Variants in NALF1 observed in about 807,000 individuals in gnomAD.
NALF1 encodes family with sequence similarity 155 member A.
NALF1 carries 3 observed loss-of-function variants against 48.4 expected under a neutral mutation model. The observed-to-expected ratio is 0.06, with a 90% confidence interval of 0.03 to 0.16. The LOEUF (loss-of-function observed/expected upper bound fraction) is 0.16. Ranked by LOEUF, NALF1 falls within the 10% of genes least tolerant of loss-of-function variation. The probability of loss-of-function intolerance (pLI) is 1.00; values close to 1 mark genes in which losing one functional copy is unlikely to be tolerated. For synonymous variants in NALF1, 262 were observed against 245.7 expected, an observed-to-expected ratio of 1.07 and a Z score of -0.62; for missense variants, 526 against 571.5, an observed-to-expected ratio of 0.92 and a Z score of 0.81.
chr13:107,518,770 T>G (rs539237772), intron 1 of NALF1, among the ~76,000 whole-genome samples: 36 of 152,224 alleles, frequency 2.4e-4, no homozygotes, highest in African/African-American at 8.2e-4. Context: ...TCAGGAAGCA[T>G]GCTGATTTTC....
intron 1 of NALF1, among the ~76,000 whole-genome samples, chr13:107,530,685 A>G (rs1036774812): frequency 8.5e-5 from 13 of 152,112 alleles, no homozygotes; most frequent in Admixed American, 7.2e-4. Context: ...CAAAAATAAT[A>G]TTGCAAATCA....
chr13:107,371,859 T>C (rs530906129), intron 1 of NALF1, among the ~76,000 whole-genome samples: 67 of 152,368 alleles, frequency 4.4e-4, no homozygotes, highest in African/African-American at 1.6e-3. Context: ...TAACATTTTA[T>C]TACAGTTTTA....
intron 1 of NALF1, among the ~76,000 whole-genome samples, chr13:107,786,787 C>G (rs1177617885): frequency 6.6e-6 from 1 of 152,168 alleles, no homozygotes; most frequent in African/African-American, 2.4e-5. Flanking sequence ...TGACCTCAGG[C>G]TCTTCTCTCC....
At chr13:107,816,547 C>G (rs1879169021) in intron 1 of NALF1, among the ~76,000 whole-genome samples, 1 of 152,106 alleles carries the variant, frequency 6.6e-6, no homozygotes, top group South Asian at 2.1e-4. Context: ...AATTATCTCC[C>G]ACTGGGTCTC....
intron 1 of NALF1, among the ~76,000 whole-genome samples, chr13:107,543,699 A>G (rs1274977779): frequency 6.6e-6 from 1 of 152,028 alleles, no homozygotes; most frequent in Non-Finnish European, 1.5e-5. Context: ...ATATACACGT[A>G]TATATATACA....
chr13:107,175,540 T>A (rs749318269), intron 2 of NALF1, among the ~76,000 whole-genome samples: 1 of 152,222 alleles, frequency 6.6e-6, no homozygotes, highest in Non-Finnish European at 1.5e-5. Flanking sequence ...TAAAACAATG[T>A]CTTTTTGGTT....
chr13:107,581,326 A>T (rs1187449882), intron 1 of NALF1, among the ~76,000 whole-genome samples: 2 of 152,174 alleles, frequency 1.3e-5, no homozygotes, highest in Admixed American at 1.3e-4. Flanking sequence ...GAATCAACAA[A>T]GGAAAGCTCT....
intron 1 of NALF1, among the ~76,000 whole-genome samples, chr13:107,837,461 T>C (rs1879928005): frequency 6.6e-6 from 1 of 152,184 alleles, no homozygotes; most frequent in Non-Finnish European, 1.5e-5. Flanking sequence ...TTTTCATTCA[T>C]ACCACCTCCC....
chr13:107,813,506 T>C (rs143095273), intron 1 of NALF1, among the ~76,000 whole-genome samples: 9 of 152,274 alleles, frequency 5.9e-5, no homozygotes, highest in African/African-American at 2.2e-4. Flanking sequence ...CATTTTCTCA[T>C]AAGGTTGGCT....
intron 1 of NALF1, among the ~76,000 whole-genome samples, chr13:107,538,077 A>G (rs1326018997): frequency 6.6e-6 from 1 of 152,118 alleles, no homozygotes; most frequent in Non-Finnish European, 1.5e-5. Context: ...GAGCAACAGT[A>G]ATCTTAATTA....
intron 1 of NALF1, among the ~76,000 whole-genome samples, chr13:107,294,000 G>A (rs954105773): frequency 6.6e-5 from 10 of 152,332 alleles, no homozygotes; most frequent in Admixed American, 5.9e-4. Context: ...GACCATGTTA[G>A]CTACGTCTCT....
chr13:107,525,609 C>A (rs143705328), intron 1 of NALF1, among the ~76,000 whole-genome samples: 1,869 of 152,126 alleles, frequency 0.012, 21 homozygotes, highest in Middle Eastern at 0.037. Context: ...ATATATTTTT[C>A]TGTCTGTCTG....
chr13:107,299,476 A>AATAATAAATT (rs1193044497), intron 1 of NALF1, among the ~76,000 whole-genome samples: 5 of 134,816 alleles, frequency 3.7e-5, no homozygotes, highest in African/African-American at 1.3e-4. Flanking sequence ...AATAATAAAT[A>AATAATAAATT]AATAAATAAA....
At chr13:107,420,953 A>G (rs960428268) in intron 1 of NALF1, among the ~76,000 whole-genome samples, 6 of 152,160 alleles carry the variant, frequency 3.9e-5, no homozygotes, top group Admixed American at 6.6e-5. Flanking sequence ...CTGTTGTTAT[A>G]TCCCCATTAT....
At chr13:107,398,905 C>T (rs550058104) in intron 1 of NALF1, among the ~76,000 whole-genome samples, 1 of 152,294 alleles carries the variant, frequency 6.6e-6, no homozygotes, top group South Asian at 2.1e-4. Flanking sequence ...AGCATTTCTA[C>T]ATACGAGGAA....
intron 2 of NALF1, among the ~76,000 whole-genome samples, chr13:107,195,529 T>C (rs1388157633): frequency 1.9e-4 from 29 of 152,212 alleles, no homozygotes. Flanking sequence ...CTCTCCACAC[T>C]TACTTTCAAG....
Position 107,253,013 on chromosome 13 carries a change from A to G in NALF1, c.916-42258T>C, listed in dbSNP as rs146370756. ...CCCCAAAATAACACATTTTCTTTTT[A>G]CATTTCTATTATTTAATGACATAGT... is the stretch of plus-strand genomic sequence containing the variant. On this transcript the variant is annotated intron_variant, in intron 1 of 2. Coordinates refer to ENST00000375915, the MANE Select transcript of NALF1 (RefSeq NM_001080396.3). 5.9e-5 allele frequency among the ~76,000 whole-genome samples: 9 copies of G among 152,328 alleles called. No individual in the cohort carries two copies. The East Asian group carries it at 1.7e-3, about 29-fold the overall frequency.
chr13:107,735,354 A>T (rs1339567429), intron 1 of NALF1, among the ~76,000 whole-genome samples: 1 of 152,204 alleles, frequency 6.6e-6, no homozygotes, highest in African/African-American at 2.4e-5. Context: ...ACATGGTTGG[A>T]TGAGTAAAAT....
intron 1 of NALF1, among the ~76,000 whole-genome samples, chr13:107,350,080 A>C (rs1037782040): frequency 1.3e-5 from 2 of 152,108 alleles, no homozygotes; most frequent in Non-Finnish European, 2.9e-5. Context: ...CACTGATCTG[A>C]CGGGAGGCAG....
Sources: gnomAD v4.1 joint callset for allele counts (sites outside exome capture counted in the v4.1 genomes callset) on GRCh38, gnomAD v4.1.1 for gene constraint, MANE v1.5 for transcripts, NCBI Gene and HGNC (gene_info 2026-07-23, HGNC 2026-07-21) for gene names.